NAV1: variants seen among roughly 807,000 people sequenced by gnomAD.
NAV1 encodes pore membrane and/or filament interacting like protein 3.
In NAV1, 18 loss-of-function variants were observed where a neutral mutation model predicts 175.2. The ratio of observed to expected loss-of-function variants is 0.10; its 90% CI spans 0.07 to 0.15. The LOEUF is 0.15. Ranked by LOEUF, NAV1 falls within the 10% of genes least tolerant of loss-of-function variation. NAV1 has a pLI of 1.00. For synonymous variants in NAV1, 897 were observed against 978.7 expected (o/e 0.92, Z 1.56); for missense variants, 1,731 against 2,436.6 (o/e 0.71, Z 6.10).
exon 1 of NAV1, chr1:201,648,294 C>T: frequency 9.0e-7 from 1 of 1,107,634 alleles, no homozygotes; most frequent in Non-Finnish European, 1.1e-6. Context: ...ATCCGGACAC[C>T]AAAGCAAAAG....
At position 201,747,528 on chromosome 1, in the gene NAV1, G is replaced by T. The variant is rs563945339; in HGVS notation, c.1226+28773G>T. On this transcript the variant is annotated intron_variant, in intron 3 of 29. Transcript: ENST00000367296. The stretch of plus-strand genomic sequence containing the variant: ...ATGGGTTTCTGGAATTTTGCCCCTA[G>T]ACACAGTGGCGAAGACAGCAGAGGG... 2.0e-5 allele frequency among the ~76,000 whole-genome samples: 3 copies of T among 152,248 alleles called. 1 individual carries two copies. The South Asian group carries it at 6.2e-4, about 32-fold the overall frequency.
intron 3 of NAV1, chr1:201,739,996 C>T: frequency 4.1e-6 from 6 of 1,455,948 alleles, no homozygotes; most frequent in Middle Eastern, 3.6e-4. Context: ...GGTGCCCACC[C>T]GGTGAATGGC....
At chr1:201,661,127 G>GC (rs1249690840) in intron 1 of NAV1, among the ~76,000 whole-genome samples, 1 of 152,164 alleles carries the variant, frequency 6.6e-6, no homozygotes, top group Non-Finnish European at 1.5e-5. Flanking sequence ...CTTGATTCAG[G>GC]CTCATGATTC....
In NAV1 at chr1:201,752,373, G is replaced by T. The variant is rs192044444; in HGVS notation, c.1227-28048G>T. Among the ~76,000 whole-genome samples the T allele has an allele frequency of 5.4e-4, 82 of 152,244 alleles. 1 individual carries two copies. The highest frequency in any genetic ancestry group is 1.9e-3 in the African/African-American group (78 of 41,538). On this transcript the variant is annotated intron_variant, in intron 3 of 29. Coordinates refer to ENST00000367296, the Ensembl canonical transcript of NAV1. ...TGGACAAACCTGCCCAGTGTTCCTTGGTTGTATTAATAAAAAGAGTAGAGA... is the reference window on the plus strand; with the variant it reads ...TGGACAAACCTGCCCAGTGTTCCTTTGTTGTATTAATAAAAAGAGTAGAGA...
At chr1:201,638,373 C>T (rs1391833474) in intron 2 of NAV1, among the ~76,000 whole-genome samples, 1 of 152,202 alleles carries the variant, frequency 6.6e-6, no homozygotes, top group East Asian at 1.9e-4. Flanking sequence ...TTCTCACTCC[C>T]AGGATTCTGT....
intron 1 of NAV1, among the ~76,000 whole-genome samples, chr1:201,681,206 T>C (rs1215639463): frequency 6.6e-6 from 1 of 152,114 alleles, no homozygotes; most frequent in Non-Finnish European, 1.5e-5. Context: ...ACAATTGCAC[T>C]TTCTCACCTT....
chr1:201,648,521 C>G (rs1436052872), exon 1 of NAV1: 1 of 1,243,224 alleles, frequency 8.0e-7, no homozygotes, highest in African/African-American at 1.6e-5. Context: ...CTCGCTCTCT[C>G]CCCCTTCTCT....
chr1:201,642,539 TTC>T (rs773647768), intron 2 of NAV1, among the ~76,000 whole-genome samples: 12 of 108,572 alleles, frequency 1.1e-4, no homozygotes, highest in Non-Finnish European at 1.9e-4. Flanking sequence ...CTTTCTTTCT[TTC>T]TTTCTTTCTT....
chr1:201,693,364 G>A (rs1303839681), intron 1 of NAV1, among the ~76,000 whole-genome samples: 1 of 152,202 alleles, frequency 6.6e-6, no homozygotes. Flanking sequence ...AAGGCAGCCT[G>A]CATTCTCCAT....
chr1:201,547,351 A>T (rs374412167), intron 1 of NAV1, among the ~76,000 whole-genome samples: 2 of 152,200 alleles, frequency 1.3e-5, no homozygotes, highest in African/African-American at 4.8e-5. Context: ...ACTGGATTTA[A>T]CAGAATTGTT....
chr1:201,804,051 C>T (rs746188485), intron 16 of NAV1: 1 of 502,192 alleles, frequency 2.0e-6, no homozygotes, highest in South Asian at 1.6e-5. Flanking sequence ...ACCCCCCATT[C>T]CCTTCTATAC....
Position 201,813,344 on chromosome 1 carries a change from G to A in NAV1, c.5340+86G>A. Reference sequence around the variant, plus strand: ...AATGTTTCTTTAATGTTAGGCATGGGACTACTAGGATTAGTTAGGTTCTCT... The same window carrying A: ...AATGTTTCTTTAATGTTAGGCATGGAACTACTAGGATTAGTTAGGTTCTCT... On this transcript the variant is annotated intron_variant, in intron 28 of 29. Coordinates refer to ENST00000367296, the Ensembl canonical transcript of NAV1. This position sits in a 1 kb window ranked among gnomAD's most constrained non-coding sequence, Gnocchi z 4.2. 1 of 877,592 alleles carries A rather than the reference G, an allele frequency of 1.1e-6. No individual in the cohort carries two copies. The highest frequency in any genetic ancestry group is 1.8e-6 in the Non-Finnish European group (1 of 548,980). 54.4% of individuals were successfully genotyped at this position (877,592 alleles called of 1,614,324 possible).
exon 15 of NAV1, chr1:201,794,499 G>C: frequency 6.2e-7 from 1 of 1,613,784 alleles, no homozygotes; most frequent in Non-Finnish European, 8.5e-7. Context: ...AGAAACCATA[G>C]ACTTTCTGAA....
At chr1:201,567,432 C>T (rs1342361750) in intron 1 of NAV1, among the ~76,000 whole-genome samples, 3 of 152,230 alleles carry the variant, frequency 2.0e-5, no homozygotes, top group African/African-American at 7.2e-5. Flanking sequence ...TTGAGAGCTG[C>T]ACTGGGATGG....
At chr1:201,558,154 G>A (rs1666086613) in intron 1 of NAV1, among the ~76,000 whole-genome samples, 2 of 152,158 alleles carry the variant, frequency 1.3e-5, no homozygotes, top group Non-Finnish European at 1.5e-5. Flanking sequence ...AAAATAAACT[G>A]ACGATATGTA....
chr1:201,621,332 CTTTTTTTTTT>C (rs11422175), upstream of NAV1, among the ~76,000 whole-genome samples: 31 of 118,918 alleles, frequency 2.6e-4, no homozygotes, highest in Non-Finnish European at 4.9e-4. Flanking sequence ...TCTTTTCTTT[CTTTTTTTTTT>C]TTTTTTTTTT....
intron 2 of NAV1, among the ~76,000 whole-genome samples, chr1:201,612,843 G>A (rs1667894133): frequency 6.6e-6 from 1 of 152,118 alleles, no homozygotes; most frequent in South Asian, 2.1e-4. Context: ...GTGAGTGTGT[G>A]TATGTCTGTG....
intron 1 of NAV1, among the ~76,000 whole-genome samples, chr1:201,575,964 A>G (rs1041622406): frequency 2.6e-5 from 4 of 152,148 alleles, no homozygotes; most frequent in Non-Finnish European, 5.9e-5. Context: ...GACATTGTAG[A>G]TTTGCATGCA....
At chr1:201,605,850 C>A (rs1667658877) in intron 2 of NAV1, among the ~76,000 whole-genome samples, 1 of 152,128 alleles carries the variant, frequency 6.6e-6, no homozygotes, top group Non-Finnish European at 1.5e-5. Flanking sequence ...CCTGCCTAAG[C>A]ACTGTGGGGG....
Sources: allele counts gnomAD v4.1 joint callset (sites outside exome capture counted in the v4.1 genomes callset), GRCh38; gene constraint gnomAD v4.1.1; non-coding constraint Gnocchi (gnomAD v3.1); transcripts MANE v1.5; gene names NCBI Gene and HGNC (gene_info 2026-07-23, HGNC 2026-07-21).